SSH2: variants seen among roughly 807,000 people sequenced by gnomAD.
The protein encoded by SSH2 is protein phosphatase Slingshot homolog 2.
In SSH2, 37 loss-of-function variants were observed where a neutral mutation model predicts 135.2. That is an observed-to-expected ratio of 0.27 (90% CI 0.21 to 0.36). The LOEUF (loss-of-function observed/expected upper bound fraction) is 0.36. SSH2 is among the 10% of genes least tolerant of loss of function. The probability of loss-of-function intolerance (pLI) is 1.00; values close to 1 mark genes in which losing one functional copy is unlikely to be tolerated. For synonymous variants in SSH2, 628 were observed against 646.2 expected, an observed-to-expected ratio of 0.97 and a Z score of 0.43; for missense variants, 1,408 against 1,765.3, an observed-to-expected ratio of 0.80 and a Z score of 3.63.
chr17:29,685,852 CTT>C (rs765821581), intron 5 of SSH2, among the ~76,000 whole-genome samples: 5 of 139,910 alleles, frequency 3.6e-5, no homozygotes, highest in Admixed American at 1.4e-4. Flanking sequence ...TTTTCTTTTT[CTT>C]TTTTTTTTTT....
chr17:29,675,567 G>C (rs2037671616), intron 8 of SSH2, among the ~76,000 whole-genome samples: 1 of 152,106 alleles, frequency 6.6e-6, no homozygotes, highest in South Asian at 2.1e-4. Context: ...GCCAAGGCAG[G>C]AGGACGGCTT....
At chr17:29,737,920 CTTATT>C (rs2040423078) in intron 3 of SSH2, among the ~76,000 whole-genome samples, 2 of 150,596 alleles carry the variant, frequency 1.3e-5, no homozygotes, top group South Asian at 4.2e-4. Flanking sequence ...GAGAAAGTCT[CTTATT>C]TATTTATTTA....
At chr17:29,826,854 GA>G (rs2042754198) in intron 2 of SSH2, among the ~76,000 whole-genome samples, 1 of 152,166 alleles carries the variant, frequency 6.6e-6, no homozygotes, top group African/African-American at 2.4e-5. Flanking sequence ...TCCAGTGGTA[GA>G]AAAGCAAGGC....
rs147725852 is a variant in SSH2, at chr17:29,826,124, G to A, written c.144+22725C>T. On this transcript the variant is annotated intron_variant, in intron 2 of 15. Coordinates refer to ENST00000540801, the MANE Select transcript of SSH2 (RefSeq NM_001282129.2). ...GTCAGAGGGGCTGCAAAAACACAAA[G>A]CATCAAAATCTTAGTGACTGAAAAC... Among the ~76,000 whole-genome samples, 237 of 152,166 alleles carry A rather than the reference G, an allele frequency of 1.6e-3. 1 individual carries two copies. The highest frequency in any genetic ancestry group is 5.4e-3 in the African/African-American group (225 of 41,524).
chr17:29,781,766 C>T (rs183267072), intron 3 of SSH2, among the ~76,000 whole-genome samples: 1 of 151,998 alleles, frequency 6.6e-6, no homozygotes, highest in East Asian at 1.9e-4. Flanking sequence ...GTATAAGCCA[C>T]GGTGCCCAGC....
chr17:29,840,908 T>G (rs143331922), intron 2 of SSH2, among the ~76,000 whole-genome samples: 8 of 152,364 alleles, frequency 5.3e-5, no homozygotes, highest in African/African-American at 1.9e-4. Flanking sequence ...GTGGTGAAGC[T>G]GGGCTCTGAC....
chr17:29,721,690 T>C (rs1324617637), intron 3 of SSH2, among the ~76,000 whole-genome samples: 1 of 152,156 alleles, frequency 6.6e-6, no homozygotes, highest in Non-Finnish European at 1.5e-5. Context: ...ACAAACTTTC[T>C]ACCAAAACAA....
chr17:29,644,513 A>G (rs1429429307), intron 14 of SSH2, among the ~76,000 whole-genome samples: 2 of 152,102 alleles, frequency 1.3e-5, no homozygotes, highest in Non-Finnish European at 2.9e-5. Context: ...TCCCTTTATA[A>G]AACTCTCCTC....
chr17:29,696,295 C>T (rs1306413319), intron 4 of SSH2, among the ~76,000 whole-genome samples: 2 of 148,426 alleles, frequency 1.3e-5, no homozygotes, highest in Non-Finnish European at 3.0e-5. Context: ...TATGTATATA[C>T]ACATGCATAT....
chr17:29,873,801 T>C (rs994304493), intron 1 of SSH2, among the ~76,000 whole-genome samples: 1 of 152,172 alleles, frequency 6.6e-6, no homozygotes, highest in Non-Finnish European at 1.5e-5. Context: ...GAAGAGGTTA[T>C]AGACAAGAAC....
intron 13 of SSH2, among the ~76,000 whole-genome samples, chr17:29,648,968 GTC>G (rs1249687004): frequency 6.6e-6 from 1 of 152,124 alleles, no homozygotes; most frequent in Non-Finnish European, 1.5e-5. Flanking sequence ...GTGAAACCCT[GTC>G]TCTACTAAAA....
At chr17:29,828,692 G>A (rs1480484614) in intron 2 of SSH2, among the ~76,000 whole-genome samples, 1 of 152,116 alleles carries the variant, frequency 6.6e-6, no homozygotes, top group Non-Finnish European at 1.5e-5. Context: ...ATCTATTTTG[G>A]TAAAGCAGTT....
chr17:29,794,390 C>G (rs1464798710), intron 2 of SSH2, among the ~76,000 whole-genome samples: 1 of 152,176 alleles, frequency 6.6e-6, no homozygotes, highest in East Asian at 1.9e-4. Context: ...CCATCAACAT[C>G]AACATAATGG....
At chr17:29,672,252 C>G (rs959066048) in intron 8 of SSH2, 123 bp from the exon 9 acceptor site, 15 of 651,234 alleles carry the variant, frequency 2.3e-5, no homozygotes, top group Non-Finnish European at 3.8e-5. Context: ...ACAATCTACT[C>G]CTTGAAAGTC....
At chr17:29,633,059 C>T (rs2035755412) in intron 15 of SSH2, 128 bp from the exon 16 acceptor site, 2 of 799,912 alleles carry the variant, frequency 2.5e-6, no homozygotes, top group Admixed American at 2.8e-5. Flanking sequence ...TCATGGAGTG[C>T]CTGGGACCAC....
intron 3 of SSH2, among the ~76,000 whole-genome samples, chr17:29,750,197 G>C (rs1271398348): frequency 1.3e-5 from 2 of 151,368 alleles, no homozygotes; most frequent in African/African-American, 4.9e-5. Flanking sequence ...CAGCACTTTG[G>C]GAGGCCAAGG....
rs577796983 is a variant in SSH2, at chr17:29,828,187, T to C, written c.144+20662A>G. 3.3e-5 allele frequency among the ~76,000 whole-genome samples: 5 copies of C among 152,364 alleles called. No homozygotes were observed. In the East Asian group the frequency reaches 9.6e-4, roughly 29 times the overall value. On this transcript the variant is annotated intron_variant, in intron 2 of 15. Coordinates refer to ENST00000540801, the MANE Select transcript of SSH2 (RefSeq NM_001282129.2). ...CACAGGAAGTCTTTAACAAATTCAG[T>C]AAGTGATCTTGATTGCAATGAACTC...
chr17:29,632,348 GA>G lies in SSH2; in HGVS notation c.2845del (p.Ser949HisfsTer9). 3 of 1,613,980 alleles carry G rather than the reference GA, an allele frequency of 1.9e-6. No homozygotes were observed. The highest frequency in any genetic ancestry group is 2.5e-6 in the Non-Finnish European group (3 of 1,179,834). ...GKSDEAPPEH[S>X]FVLKEPEMSK... ...CATTTCTGGTTCCTTGAGGACAAAT[GA>G]ATGTTCTGGGGGGGCTTCATCACTT... On this transcript the variant is annotated frameshift_variant, in exon 16 of 16. Coordinates refer to ENST00000540801, the MANE Select transcript of SSH2 (RefSeq NM_001282129.2). LOFTEE classifies it high-confidence loss of function.
chr17:29,795,073 AC>A (rs2042134793), intron 2 of SSH2, among the ~76,000 whole-genome samples: 1 of 152,214 alleles, frequency 6.6e-6, no homozygotes, highest in Non-Finnish European at 1.5e-5. Context: ...CCAACAAGTC[AC>A]CTGCATTTTC....
Sources: allele counts gnomAD v4.1 joint callset (sites outside exome capture counted in the v4.1 genomes callset), GRCh38; gene constraint gnomAD v4.1.1; transcripts MANE v1.5; gene names NCBI Gene and HGNC (gene_info 2026-07-23, HGNC 2026-07-21).